The following FOXP1 variants were observed in gnomAD, a reference collection of about 807,000 sequenced individuals.
FOXP1 encodes the protein forkhead box protein P1.
FOXP1 carries 15 observed loss-of-function variants against 98.2 expected under a neutral mutation model. The observed-to-expected ratio is 0.15, with a 90% confidence interval of 0.10 to 0.24. The LOEUF is 0.24. FOXP1 is among the 10% of genes least tolerant of loss of function. The probability of loss-of-function intolerance (pLI) is 1.00; values close to 1 mark genes in which losing one functional copy is unlikely to be tolerated. For missense variants in FOXP1, 633 were observed against 848.5 expected (o/e 0.75, Z 3.15); for synonymous variants, 371 against 314.5 (o/e 1.18, Z -1.90).
intron 13 of FOXP1, among the ~76,000 whole-genome samples, chr3:70,998,898 G>A (rs946657460): frequency 1.3e-5 from 2 of 152,130 alleles, no homozygotes; most frequent in African/African-American, 4.8e-5. Context: ...CACTTCTTGA[G>A]TAATTAACAA....
intron 6 of FOXP1, among the ~76,000 whole-genome samples, chr3:71,180,379 T>C (rs946447734): frequency 5.3e-5 from 8 of 151,902 alleles, no homozygotes; most frequent in African/African-American, 1.7e-4. Flanking sequence ...ATGGAAAATA[T>C]AGAAAGACGG....
intron 6 of FOXP1, among the ~76,000 whole-genome samples, chr3:71,177,315 G>C (rs530825951): frequency 5.3e-5 from 8 of 152,336 alleles, no homozygotes; most frequent in Non-Finnish European, 1.0e-4. Context: ...GGCTCCATCT[G>C]AAAATAGGAG....
chr3:71,178,311 AT>A (rs1276960234), intron 6 of FOXP1, among the ~76,000 whole-genome samples: 4 of 151,884 alleles, frequency 2.6e-5, no homozygotes, highest in African/African-American at 9.7e-5. Context: ...ATTTGTTTGT[AT>A]TTTAGTAGAG....
intron 3 of FOXP1, among the ~76,000 whole-genome samples, chr3:71,434,492 T>G (rs1166744155): frequency 6.6e-6 from 1 of 152,174 alleles, no homozygotes; most frequent in African/African-American, 2.4e-5. Flanking sequence ...TTTAAAAGTT[T>G]TATGCACATA....
At chr3:71,111,461 G>C (rs565368638) in intron 7 of FOXP1, among the ~76,000 whole-genome samples, 1 of 152,164 alleles carries the variant, frequency 6.6e-6, no homozygotes, top group South Asian at 2.1e-4. Context: ...ACAGTGGTGC[G>C]AGCTTGGCTC....
intron 3 of FOXP1, among the ~76,000 whole-genome samples, chr3:71,424,408 G>A (rs1229172765): frequency 1.3e-5 from 2 of 152,132 alleles, no homozygotes; most frequent in African/African-American, 2.4e-5. Flanking sequence ...ACCTTGCAAT[G>A]TTACCAATGA....
At chr3:71,388,569 GT>G in intron 3 of FOXP1, among the ~76,000 whole-genome samples, 1 of 152,116 alleles carries the variant, frequency 6.6e-6, no homozygotes, top group East Asian at 1.9e-4. Context: ...TTTTTAACCT[GT>G]TGACTATTAG....
chr3:71,368,597 A>G (rs969304783), intron 3 of FOXP1, among the ~76,000 whole-genome samples: 3 of 70,458 alleles, frequency 4.3e-5, no homozygotes, highest in Non-Finnish European at 8.7e-5. Flanking sequence ...GCTAAAACCA[A>G]AGTAATCAAT....
chr3:71,551,800 G>A (rs1184497123), intron 2 of FOXP1, among the ~76,000 whole-genome samples: 1 of 152,138 alleles, frequency 6.6e-6, no homozygotes, highest in African/African-American at 2.4e-5. Context: ...TACCATCTAT[G>A]ATCGGGCTTC....
chr3:71,343,223 G>A (rs1346391221), intron 4 of FOXP1, among the ~76,000 whole-genome samples: 3 of 152,064 alleles, frequency 2.0e-5, no homozygotes, highest in African/African-American at 7.2e-5. Context: ...CATCCCAAAG[G>A]ACAAAAACAC....
At position 71,526,902 on chromosome 3, in the gene FOXP1, G is replaced by A. The variant is rs560047015; in HGVS notation, c.-297-33347C>T. Among the ~76,000 whole-genome samples, 325 of 151,746 alleles carry A rather than the reference G, an allele frequency of 2.1e-3. 1 individual carries two copies. Among genetic ancestry groups the A allele is most frequent in the Non-Finnish European group, 3.3e-3 (222 of 67,956 alleles). On this transcript the variant is annotated intron_variant, in intron 2 of 20. Coordinates refer to ENST00000649528, the MANE Select transcript of FOXP1 (RefSeq NM_001349338.3). ...GAATTGCTTAAACCTGGGAGGCAGA[G>A]GTCGCGGTGAGCCAAGATCACGCCA...
At chr3:71,269,175 G>A (rs1309040117) in intron 5 of FOXP1, among the ~76,000 whole-genome samples, 1 of 151,196 alleles carries the variant, frequency 6.6e-6, no homozygotes, top group South Asian at 2.1e-4. Context: ...CAGCCCACAG[G>A]TCTGCAGCTA....
In FOXP1 at chr3:71,174,399, C is replaced by T. The variant is rs1052544404; in HGVS notation, c.180+23803G>A. On this transcript the variant is annotated intron_variant, in intron 6 of 20. Transcript: ENST00000649528. Reference sequence around the variant, plus strand: ...AATAGCCACTGCACTCCAGCCTGGGCAACACGGCAAGATCCTGTCTCAAAA... The same window carrying T: ...AATAGCCACTGCACTCCAGCCTGGGTAACACGGCAAGATCCTGTCTCAAAA... Among the ~76,000 whole-genome samples, 15 of 152,188 alleles carry T rather than the reference C, an allele frequency of 9.9e-5. No homozygotes were observed. The East Asian group carries it at 2.9e-3, about 29-fold the overall frequency.
chr3:71,406,405 G>GTATATATATATATATATATATATATATA lies in FOXP1; in HGVS notation c.-167-47162_-167-47161insTATATATATATATATATATATATATATA, dbSNP rs60423991. ...TAATTGACACATAATAACTGTATGT[G>GTATATATATATATATATATATATATATA]TATATATATATATATATATGGTACA... On this transcript the variant is annotated intron_variant, in intron 3 of 20. Transcript: ENST00000649528. Among the ~76,000 whole-genome samples the GTATATATATATATATATATATATATATA allele has an allele frequency of 8.2e-3, 868 of 105,540 alleles. 110 individuals are homozygous for GTATATATATATATATATATATATATATA. The highest frequency in any genetic ancestry group is 0.012 in the Non-Finnish European group (516 of 44,720). 69.2% of individuals were successfully genotyped at this position (105,540 alleles called of 152,430 possible). A position where few individuals can be genotyped will look rare whatever the true frequency, so the allele number is the denominator to read the frequency against.
At chr3:71,583,266 A>C (rs1164074488) in intron 1 of FOXP1, among the ~76,000 whole-genome samples, 1 of 151,978 alleles carries the variant, frequency 6.6e-6, no homozygotes, top group Non-Finnish European at 1.5e-5. Context: ...TGACTTATGC[A>C]AATAAACCCA....
At chr3:71,343,676 G>C (rs929891012) in intron 4 of FOXP1, among the ~76,000 whole-genome samples, 3 of 150,130 alleles carry the variant, frequency 2.0e-5, no homozygotes, top group Non-Finnish European at 4.4e-5. Flanking sequence ...CTGCCTCTGA[G>C]ACTACAGGTG....
At chr3:70,984,567 C>T (rs1386561315) in intron 14 of FOXP1, among the ~76,000 whole-genome samples, 1 of 152,176 alleles carries the variant, frequency 6.6e-6, no homozygotes, top group Non-Finnish European at 1.5e-5. Context: ...ATGTGACTGA[C>T]TACTTGTCAC....
intron 6 of FOXP1, among the ~76,000 whole-genome samples, chr3:71,139,934 A>T (rs550056240): frequency 6.6e-6 from 1 of 152,298 alleles, no homozygotes; most frequent in Admixed American, 6.5e-5. Context: ...CAAGGTTCCT[A>T]AGTGCCTCTG....
intron 2 of FOXP1, among the ~76,000 whole-genome samples, chr3:71,532,232 T>TG (rs1226614152): frequency 1.3e-5 from 2 of 152,190 alleles, no homozygotes; most frequent in Non-Finnish European, 2.9e-5. Flanking sequence ...CCTGAGTAGC[T>TG]GGAACTACAG....
Sources: allele counts gnomAD v4.1 joint callset (sites outside exome capture counted in the v4.1 genomes callset), GRCh38; gene constraint gnomAD v4.1.1; transcripts MANE v1.5; gene names NCBI Gene and HGNC (gene_info 2026-07-23, HGNC 2026-07-21).